Variants in KCTD7 observed in about 807,000 individuals in gnomAD.
KCTD7 encodes BTB/POZ domain-containing protein KCTD7.
Under a neutral mutation model 27.0 loss-of-function variants are expected in KCTD7, and 15 were observed. The observed-to-expected ratio is 0.56, with a 90% CI of 0.37 to 0.86. KCTD7 has a LOEUF of 0.86. Ranked by LOEUF, KCTD7 falls within the 40% of genes least tolerant of loss-of-function variation. The pLI is 0.00. For synonymous variants in KCTD7, 159 were observed against 162.7 expected (o/e 0.98, Z 0.17); for missense variants, 299 against 398.9 (o/e 0.75, Z 2.13).
chr7:66,638,156 C>A, intron 2 of KCTD7, 97 bp from the exon 3 acceptor site: 2 of 1,257,344 alleles, frequency 1.6e-6, no homozygotes, highest in Non-Finnish European at 2.3e-6. Context: ...TGTAACACAG[C>A]TGGCAGTCTG....
chr7:66,629,395 C>T (rs544446477), intron 1 of KCTD7, among the ~76,000 whole-genome samples, 187 bp downstream of exon 1: 3 of 151,206 alleles, frequency 2.0e-5, no homozygotes, highest in Non-Finnish European at 4.4e-5. Flanking sequence ...CACCTTCAAC[C>T]CCTGTCAATT....
At position 66,643,002 on chromosome 7, in the gene KCTD7, A is replaced by G; in HGVS notation, c.*3770A>G. On this transcript the variant is annotated 3_prime_UTR_variant, in exon 4 of 4. Transcript: ENST00000639828. ...TACCTGTCTGTGAGTGCTTTGGTGT[A>G]TTGAGCCTCAGTACACTCCAAGGGC... 1.0e-6 allele frequency: 1 copy of G among 985,420 alleles called. No homozygotes were observed. Among genetic ancestry groups the G allele is most frequent in the Non-Finnish European group, 1.2e-6 (1 of 829,950 alleles). 61.0% of individuals were successfully genotyped at this position (985,420 alleles called of 1,614,324 possible). A position where few individuals can be genotyped will look rare whatever the true frequency, so the allele number is the denominator to read the frequency against.
chr7:66,633,565 T>G, intron 2 of KCTD7, 121 bp downstream of exon 2: 1 of 990,174 alleles, frequency 1.0e-6, no homozygotes, highest in South Asian at 1.4e-5. Flanking sequence ...TGATGAAATT[T>G]AATAAATGGG....
chr7:66,639,996 G>A lies in KCTD7; in HGVS notation c.*764G>A. 8.0e-7 allele frequency: 1 copy of A among 1,257,284 alleles called. No individual in the cohort carries two copies. The allele number at this position is 1,257,284 out of a possible 1,614,324, so 77.9% of individuals were successfully genotyped here. On this transcript the variant is annotated 3_prime_UTR_variant, in exon 4 of 4. Transcript: ENST00000639828. ...TCACAGGGCTGGAATGCAAATTTCA[G>A]AGGCTTCTTTTGAAGATTCCCCAAG...
In KCTD7 at chr7:66,641,274, G is replaced by A; in HGVS notation, c.*2042G>A. 2.0e-6 allele frequency: 2 copies of A among 985,276 alleles called. No individual in the cohort carries two copies. Among genetic ancestry groups the A allele is most frequent in the Non-Finnish European group, 2.4e-6 (2 of 829,922 alleles). 61.0% of individuals were successfully genotyped at this position (985,276 alleles called of 1,614,324 possible). ...GGCTTTCATTTTGGTTCTTCTGATT[G>A]GTGTTACCTACTGCCTAATATGTGT... On this transcript the variant is annotated 3_prime_UTR_variant, in exon 4 of 4. Transcript: ENST00000639828.
At chr7:66,635,209 A>G (rs1786558773) in intron 2 of KCTD7, among the ~76,000 whole-genome samples, 1 of 151,866 alleles carries the variant, frequency 6.6e-6, no homozygotes. Context: ...ATGAGGTTTC[A>G]CTATGTTGGC....
chr7:66,629,555 G>C (rs1320605014), intron 1 of KCTD7, among the ~76,000 whole-genome samples: 1 of 152,172 alleles, frequency 6.6e-6, no homozygotes, highest in East Asian at 1.9e-4. Flanking sequence ...AGAGCTGATG[G>C]TGTGTCTGAC....
At chr7:66,630,567 CCCT>C (rs1562940647) in intron 1 of KCTD7, among the ~76,000 whole-genome samples, 1 of 152,190 alleles carries the variant, frequency 6.6e-6, no homozygotes, top group East Asian at 1.9e-4. Context: ...ACAATTGAGG[CCCT>C]CAACAGGCTG....
intron 2 of KCTD7, among the ~76,000 whole-genome samples, chr7:66,637,853 G>A (rs908203245): frequency 1.3e-5 from 2 of 151,974 alleles, no homozygotes; most frequent in African/African-American, 4.8e-5. Flanking sequence ...GTTAATATTT[G>A]TACATTTATT....
intron 2 of KCTD7, among the ~76,000 whole-genome samples, chr7:66,635,111 C>T (rs1268847191): frequency 6.0e-5 from 9 of 150,780 alleles, no homozygotes; most frequent in Non-Finnish European, 1.3e-4. Context: ...CTCCCAGGTG[C>T]AAGCAATTTT....
chr7:66,640,270 T>A lies in KCTD7; in HGVS notation c.*1038T>A, dbSNP rs1292954420. The A allele has an allele frequency of 1.3e-6, 2 of 1,505,760 alleles. No homozygotes were observed. The highest frequency in any genetic ancestry group is 2.6e-5 in the South Asian group (2 of 77,130). 93.3% of individuals were successfully genotyped at this position (1,505,760 alleles called of 1,614,324 possible). Reference sequence around the variant, plus strand: ...AGACACACAGCTATCCTAGGAGCCGTAGGAAGACAAAACTTCCCTTTTGTT... The same window carrying A: ...AGACACACAGCTATCCTAGGAGCCGAAGGAAGACAAAACTTCCCTTTTGTT... On this transcript the variant is annotated 3_prime_UTR_variant, in exon 4 of 4. Transcript: ENST00000639828.
chr7:66,632,298 T>C (rs893631658), intron 1 of KCTD7, among the ~76,000 whole-genome samples: 3 of 151,796 alleles, frequency 2.0e-5, no homozygotes, highest in South Asian at 2.1e-4. Flanking sequence ...CAATCCTGGC[T>C]AACACGGTGA....
intron 1 of KCTD7, among the ~76,000 whole-genome samples, 165 bp from the exon 2 acceptor site, chr7:66,633,110 G>T (rs1348585114): frequency 6.6e-6 from 1 of 152,014 alleles, no homozygotes; most frequent in Non-Finnish European, 1.5e-5. Context: ...AGATGATGAG[G>T]GTGGGGCAGA....
In KCTD7 at chr7:66,640,872, C is replaced by G; in HGVS notation, c.*1640C>G. 1 of 986,814 alleles carries G rather than the reference C, an allele frequency of 1.0e-6. No individual in the cohort carries two copies. The highest frequency in any genetic ancestry group is 4.7e-5 in the South Asian group (1 of 21,418). 61.1% of individuals were successfully genotyped at this position (986,814 alleles called of 1,614,324 possible). A position where few individuals can be genotyped will look rare whatever the true frequency, so the allele number is the denominator to read the frequency against. On this transcript the variant is annotated 3_prime_UTR_variant, in exon 4 of 4. Coordinates refer to ENST00000639828, the MANE Select transcript of KCTD7 (RefSeq NM_153033.5). ...ATAAATAAATTGGGGAGGACAGCCT[C>G]ACTGGTATCAGACTTACAGGACCAG... is the stretch of plus-strand genomic sequence containing the variant.
At position 66,641,814 on chromosome 7, in the gene KCTD7, A is replaced by T; in HGVS notation, c.*2582A>T. The stretch of plus-strand genomic sequence containing the variant: ...GGTGGATTGTGGTAACGGCCTCCAG[A>T]TAAAGGGGTTATCCCTGTGGAAGTG... On this transcript the variant is annotated 3_prime_UTR_variant, in exon 4 of 4. Transcript: ENST00000639828. The T allele has an allele frequency of 5.1e-6, 5 of 985,474 alleles. No homozygotes were observed. The highest frequency in any genetic ancestry group is 6.0e-6 in the Non-Finnish European group (5 of 829,940). The allele number at this position is 985,474 out of a possible 1,614,324, so 61.0% of individuals were successfully genotyped here. A position where few individuals can be genotyped will look rare whatever the true frequency, so the allele number is the denominator to read the frequency against.
intron 1 of KCTD7, among the ~76,000 whole-genome samples, chr7:66,632,233 A>G (rs1316078041): frequency 6.6e-6 from 1 of 151,324 alleles, no homozygotes; most frequent in Non-Finnish European, 1.5e-5. Context: ...CACGCCGGTA[A>G]TCCCAGCACT....
At chr7:66,632,885 A>AT (rs1554397723) in intron 1 of KCTD7, among the ~76,000 whole-genome samples, 33 of 149,542 alleles carry the variant, frequency 2.2e-4, no homozygotes, top group Non-Finnish European at 3.4e-4. Flanking sequence ...CTACTAAAAA[A>AT]ATATATATAT....
At chr7:66,629,502 C>G (rs961457138) in intron 1 of KCTD7, among the ~76,000 whole-genome samples, 4 of 151,964 alleles carry the variant, frequency 2.6e-5, no homozygotes, top group Non-Finnish European at 5.9e-5. Flanking sequence ...TTACCGAAGA[C>G]AGGAGGGAGG....
intron 2 of KCTD7, among the ~76,000 whole-genome samples, chr7:66,636,418 T>C (rs566464855): frequency 6.6e-6 from 1 of 151,834 alleles, no homozygotes; most frequent in African/African-American, 2.4e-5. Context: ...AGAGATAAGA[T>C]AGCACACACC....
Sources: gnomAD v4.1 joint callset for allele counts (sites outside exome capture counted in the v4.1 genomes callset) on GRCh38, gnomAD v4.1.1 for gene constraint, MANE v1.5 for transcripts, NCBI Gene and HGNC (gene_info 2026-07-23, HGNC 2026-07-21) for gene names.